SNAP23: variants seen among roughly 807,000 people sequenced by gnomAD.
SNAP23 encodes the protein synaptosomal-associated protein 23.
Under a neutral mutation model 29.0 loss-of-function variants are expected in SNAP23, and 11 were observed. The ratio of observed to expected loss-of-function variants is 0.38; its 90% confidence interval spans 0.24 to 0.63. The LOEUF (loss-of-function observed/expected upper bound fraction) is 0.63. Ranked by LOEUF, SNAP23 falls within the 20% of genes least tolerant of loss-of-function variation. The probability of loss-of-function intolerance (pLI) is 0.58; values close to 1 mark genes in which losing one functional copy is unlikely to be tolerated. For synonymous variants in SNAP23, 60 were observed against 82.9 expected (o/e 0.72, Z 1.50); for missense variants, 220 against 253.9 (o/e 0.87, Z 0.91).
intron 3 of SNAP23, 37 bp downstream of exon 3, chr15:42,513,033 T>C: frequency 2.1e-6 from 3 of 1,427,970 alleles, no homozygotes; most frequent in Non-Finnish European, 3.0e-6. Context: ...AGTATAGAAA[T>C]TTATAGGAGC....
chr15:42,530,151 G>A (rs2057548848), intron 7 of SNAP23, among the ~76,000 whole-genome samples: 1 of 152,086 alleles, frequency 6.6e-6, no homozygotes, highest in Admixed American at 6.6e-5. Flanking sequence ...ATTGAGAATG[G>A]GGTCTTGCTC....
intron 5 of SNAP23, among the ~76,000 whole-genome samples, chr15:42,524,630 G>A (rs766753266): frequency 6.6e-5 from 10 of 152,138 alleles, no homozygotes; most frequent in East Asian, 1.9e-4. Context: ...GTCCCCATTC[G>A]TGGAAAAATA....
chr15:42,518,070 C>T (rs2057411909), intron 5 of SNAP23, among the ~76,000 whole-genome samples: 1 of 151,978 alleles, frequency 6.6e-6, no homozygotes, highest in South Asian at 2.1e-4. Flanking sequence ...CAAGGGGCTG[C>T]TGTAACAAAA....
At chr15:42,529,877 A>G (rs2057545675) in intron 7 of SNAP23, 58 bp downstream of exon 7, 18 of 1,572,990 alleles carry the variant, frequency 1.1e-5, no homozygotes, top group Non-Finnish European at 1.4e-5. Flanking sequence ...TTTCAGTAAT[A>G]GACATCTGTG....
At chr15:42,508,231 C>T (rs1388834631) in intron 1 of SNAP23, among the ~76,000 whole-genome samples, 3 of 149,920 alleles carry the variant, frequency 2.0e-5, no homozygotes, top group African/African-American at 7.5e-5. Flanking sequence ...CCACCGCTCT[C>T]CAACCTGGAT....
rs2057239454 is a variant in SNAP23 at position 42,498,168 on chromosome 15, G to C, written c.-15+2455G>C. Reference sequence around the variant, plus strand: ...CCTGCCATTCTGGAGTCTGGAGAATGGTGGCCCTCTTCTCACAGCTCCACT... The same window carrying C: ...CCTGCCATTCTGGAGTCTGGAGAATCGTGGCCCTCTTCTCACAGCTCCACT... On this transcript the variant is annotated intron_variant, in intron 1 of 7. Coordinates refer to ENST00000249647, the MANE Select transcript of SNAP23 (RefSeq NM_003825.4). Among the ~76,000 whole-genome samples the C allele has an allele frequency of 2.6e-5, 4 of 152,266 alleles. No individual in the cohort carries two copies. In the South Asian group the frequency reaches 8.3e-4, roughly 32 times the overall value.
In SNAP23 at chr15:42,524,357, C is replaced by G. The variant is rs58372549; in HGVS notation, c.267-3905C>G. Among the ~76,000 whole-genome samples, 600 of 152,258 alleles carry G rather than the reference C, an allele frequency of 3.9e-3. 1 individual carries two copies. The highest frequency in any genetic ancestry group is 0.012 in the African/African-American group (487 of 41,528). On this transcript the variant is annotated intron_variant, in intron 5 of 7. Coordinates refer to ENST00000249647, the MANE Select transcript of SNAP23 (RefSeq NM_003825.4). Reference sequence around the variant, plus strand: ...TGCAGCCTACTATCTATGTGTTCTACAGCAGGGGCCCTCAACCCCCCCAGC... The same window carrying G: ...TGCAGCCTACTATCTATGTGTTCTAGAGCAGGGGCCCTCAACCCCCCCAGC...
At chr15:42,528,145 G>C in intron 5 of SNAP23, 117 bp from the exon 6 acceptor site, 1 of 662,510 alleles carries the variant, frequency 1.5e-6, no homozygotes, top group Non-Finnish European at 2.5e-6. Context: ...AGACTTAGCT[G>C]TATGCAGCTT....
intron 7 of SNAP23, among the ~76,000 whole-genome samples, chr15:42,530,595 T>C (rs561978524): frequency 6.6e-6 from 1 of 151,998 alleles, no homozygotes; most frequent in African/African-American, 2.4e-5. Context: ...TAAAAAAATT[T>C]AAAAATTGAC....
At chr15:42,510,506 T>C (rs2057351379) in intron 1 of SNAP23, among the ~76,000 whole-genome samples, 1 of 152,226 alleles carries the variant, frequency 6.6e-6, no homozygotes, top group Non-Finnish European at 1.5e-5. Context: ...TTTGTGGCTC[T>C]AGTGATTCTT....
chr15:42,497,956 A>G (rs1445736704), intron 1 of SNAP23, among the ~76,000 whole-genome samples: 1 of 152,118 alleles, frequency 6.6e-6, no homozygotes, highest in Non-Finnish European at 1.5e-5. Flanking sequence ...ACGTCTTAAA[A>G]CTTATTTTAA....
intron 1 of SNAP23, among the ~76,000 whole-genome samples, chr15:42,497,461 C>T (rs950905546): frequency 1.3e-5 from 2 of 151,888 alleles, no homozygotes; most frequent in East Asian, 1.9e-4. Context: ...CACCGGCCTC[C>T]GCCTCCCAAA....
chr15:42,524,359 G>C (rs987427624), intron 5 of SNAP23, among the ~76,000 whole-genome samples: 1 of 152,152 alleles, frequency 6.6e-6, no homozygotes, highest in South Asian at 2.1e-4. Flanking sequence ...GTGTTCTACA[G>C]CAGGGGCCCT....
chr15:42,509,537 T>C (rs930108961), intron 1 of SNAP23, among the ~76,000 whole-genome samples: 1 of 151,592 alleles, frequency 6.6e-6, no homozygotes, highest in African/African-American at 2.4e-5. Flanking sequence ...CCTCCCAGGT[T>C]CAAGCAATTC....
intron 5 of SNAP23, among the ~76,000 whole-genome samples, chr15:42,524,109 C>T (rs1038318113): frequency 6.6e-6 from 1 of 152,164 alleles, no homozygotes; most frequent in Non-Finnish European, 1.5e-5. Context: ...AGCCACCGCG[C>T]CTGGCTTTTT....
At chr15:42,498,151 T>C (rs973434765) in intron 1 of SNAP23, among the ~76,000 whole-genome samples, 4 of 152,154 alleles carry the variant, frequency 2.6e-5, no homozygotes, top group African/African-American at 9.7e-5. Flanking sequence ...GACCTGCCAT[T>C]CTGGAGTCTG....
chr15:42,522,259 A>G (rs1350445016), intron 5 of SNAP23, among the ~76,000 whole-genome samples: 5 of 152,216 alleles, frequency 3.3e-5, no homozygotes, highest in Non-Finnish European at 7.3e-5. Flanking sequence ...AAATGCTACC[A>G]TATCTGGTAT....
At chr15:42,491,324 C>G (rs1468631343), upstream of SNAP23, 2 of 152,388 alleles carry the variant, frequency 1.3e-5, no homozygotes, top group Non-Finnish European at 2.9e-5. Context: ...ACGCTATGAA[C>G]AGCCTCCCTG....
chr15:42,514,281 C>T (rs2057381210), intron 4 of SNAP23, among the ~76,000 whole-genome samples: 1 of 152,028 alleles, frequency 6.6e-6, no homozygotes, highest in South Asian at 2.1e-4. Context: ...GCTGGGATTA[C>T]AGGTGTCCAC....
Sources: gnomAD v4.1 joint callset for allele counts (sites outside exome capture counted in the v4.1 genomes callset) on GRCh38, gnomAD v4.1.1 for gene constraint, MANE v1.5 for transcripts, NCBI Gene and HGNC (gene_info 2026-07-23, HGNC 2026-07-21) for gene names.